TENM4: variants seen among roughly 807,000 people sequenced by gnomAD.
The protein encoded by TENM4 is teneurin transmembrane protein 4.
In TENM4, 82 loss-of-function variants were observed where a neutral mutation model predicts 243.3. The observed-to-expected ratio is 0.34, with a 90% CI of 0.28 to 0.40. TENM4 has a LOEUF of 0.40. Among genes scored for constraint, TENM4 ranks in the 10% least tolerant of loss-of-function variants. The pLI is 1.00. For synonymous variants in TENM4, 1,412 were observed against 1,456.3 expected, an observed-to-expected ratio of 0.97 and a Z score of 0.69; for missense variants, 3,138 against 3,673.3, an observed-to-expected ratio of 0.85 and a Z score of 3.77.
chr11:78,667,465 C>T (rs561010810), intron 32 of TENM4, among the ~76,000 whole-genome samples: 1 of 152,246 alleles, frequency 6.6e-6, no homozygotes, highest in Admixed American at 6.5e-5. Flanking sequence ...TGCTGCCTTC[C>T]CTCTCTGCAA....
intron 2 of TENM4, among the ~76,000 whole-genome samples, chr11:79,283,426 A>C (rs1856193927): frequency 6.6e-6 from 1 of 152,216 alleles, no homozygotes; most frequent in Non-Finnish European, 1.5e-5. Context: ...AAACCAATCA[A>C]TGTAATAGAC....
In TENM4 at chr11:78,805,644, G is replaced by A. The variant is rs558720680; in HGVS notation, c.1979-152C>T. Among the ~76,000 whole-genome samples, 241 of 152,274 alleles carry A rather than the reference G, an allele frequency of 1.6e-3. 4 individuals are homozygous for A. In the South Asian group the frequency reaches 0.022, roughly 14 times the overall value. On this transcript the variant is annotated intron_variant, in intron 14 of 33. Coordinates refer to ENST00000278550, the MANE Select transcript of TENM4 (RefSeq NM_001098816.3). ...CTTAGTAAGGTGAGAGCAGTACTGC[G>A]GCAAATGGCAGACCTGGCTTCCCAA...
intron 9 of TENM4, among the ~76,000 whole-genome samples, chr11:78,872,253 G>A (rs761474823): frequency 6.6e-6 from 1 of 152,130 alleles, no homozygotes; most frequent in African/African-American, 2.4e-5. Flanking sequence ...TGCAGCTTTT[G>A]TCAAATCACT....
chr11:78,872,470 G>T (rs1160166780), intron 9 of TENM4, among the ~76,000 whole-genome samples: 4 of 152,152 alleles, frequency 2.6e-5, no homozygotes, highest in African/African-American at 9.7e-5. Flanking sequence ...CCACTGCCAG[G>T]TCTGGGATGG....
intron 3 of TENM4, among the ~76,000 whole-genome samples, chr11:79,201,960 T>C (rs1050798407): frequency 6.6e-6 from 1 of 152,068 alleles, no homozygotes; most frequent in African/African-American, 2.4e-5. Flanking sequence ...ATTTGAGAGA[T>C]ATGCAGGATA....
At chr11:79,011,967 A>G (rs1858654186) in intron 6 of TENM4, among the ~76,000 whole-genome samples, 1 of 152,034 alleles carries the variant, frequency 6.6e-6, no homozygotes, top group African/African-American at 2.4e-5. Flanking sequence ...CCCCCAGCCT[A>G]TTTCCCACCT....
At chr11:78,952,131 A>C (rs1231979653) in intron 6 of TENM4, among the ~76,000 whole-genome samples, 1 of 152,204 alleles carries the variant, frequency 6.6e-6, no homozygotes, top group Non-Finnish European at 1.5e-5. Context: ...CCTGGCACAC[A>C]GTAGGTCCTT....
intron 9 of TENM4, among the ~76,000 whole-genome samples, chr11:78,864,852 C>G (rs1389659307): frequency 6.6e-6 from 1 of 152,194 alleles, no homozygotes; most frequent in Non-Finnish European, 1.5e-5. Context: ...GTCCTTGCTT[C>G]AGTGAGCTCA....
chr11:79,435,710 A>G (rs1341586886), intron 1 of TENM4, among the ~76,000 whole-genome samples: 1 of 152,222 alleles, frequency 6.6e-6, no homozygotes, highest in Non-Finnish European at 1.5e-5. Flanking sequence ...GACTTGCACC[A>G]CTGGTGCTTA....
At position 79,215,919 on chromosome 11, in the gene TENM4, C is replaced by G. The variant is rs777473584; in HGVS notation, c.-264-10G>C. ...TGGTGCGGGATCTTTTCTGTTGAAG[C>G]AGAGAACACAGATCCAACTGAGTGA... On this transcript the variant is annotated splice_polypyrimidine_tract_variant and intron_variant, in intron 2 of 33. Coordinates refer to ENST00000278550, the MANE Select transcript of TENM4 (RefSeq NM_001098816.3). 38 of 949,914 alleles carry G rather than the reference C, an allele frequency of 4.0e-5. No individual in the cohort carries two copies. The highest frequency in any genetic ancestry group is 4.8e-5 in the Non-Finnish European group (38 of 797,454). 58.8% of individuals were successfully genotyped at this position (949,914 alleles called of 1,614,324 possible). A position where few individuals can be genotyped will look rare whatever the true frequency, so the allele number is the denominator to read the frequency against.
chr11:79,324,530 C>CT (rs1856942647), intron 1 of TENM4, among the ~76,000 whole-genome samples: 1 of 152,078 alleles, frequency 6.6e-6, no homozygotes, highest in South Asian at 2.1e-4. Context: ...TGGCTTGTTT[C>CT]TTTTTTCAAA....
chr11:78,859,200 G>A (rs1346411096), intron 10 of TENM4, among the ~76,000 whole-genome samples: 2 of 151,922 alleles, frequency 1.3e-5, no homozygotes, highest in Non-Finnish European at 2.9e-5. Flanking sequence ...GGCATCCTAG[G>A]GTACAAAAAG....
chr11:79,103,253 C>T (rs1424364343), intron 4 of TENM4, among the ~76,000 whole-genome samples: 1 of 152,176 alleles, frequency 6.6e-6, no homozygotes, highest in Non-Finnish European at 1.5e-5. Flanking sequence ...CCAGGACTCC[C>T]CCCTCCCCTG....
At chr11:79,425,619 T>G (rs527597357) in intron 1 of TENM4, among the ~76,000 whole-genome samples, 1 of 152,306 alleles carries the variant, frequency 6.6e-6, no homozygotes, top group East Asian at 1.9e-4. Context: ...AACAAGACTG[T>G]TGGCAGTGTT....
At chr11:79,050,864 T>C (rs1354923442) in intron 6 of TENM4, among the ~76,000 whole-genome samples, 1 of 152,162 alleles carries the variant, frequency 6.6e-6, no homozygotes, top group Non-Finnish European at 1.5e-5. Context: ...GAAAGTGGCC[T>C]GAAGAAAATC....
intron 6 of TENM4, among the ~76,000 whole-genome samples, chr11:79,004,381 A>T (rs1858416793): frequency 6.6e-6 from 1 of 152,168 alleles, no homozygotes; most frequent in African/African-American, 2.4e-5. Context: ...AATCGACTAC[A>T]CAATCATCGG....
chr11:79,133,646 T>A (rs1360763863), intron 4 of TENM4, among the ~76,000 whole-genome samples: 1 of 151,590 alleles, frequency 6.6e-6, no homozygotes, highest in African/African-American at 2.4e-5. Context: ...GAAAAAAAAA[T>A]AATTCACCTG....
intron 4 of TENM4, among the ~76,000 whole-genome samples, chr11:79,138,333 T>A (rs922659913): frequency 2.6e-5 from 2 of 77,016 alleles, no homozygotes; most frequent in African/African-American, 1.1e-4. Context: ...ATATATATTA[T>A]ATATATAATA....
chr11:79,081,534 G>GTGT (rs142241805), intron 4 of TENM4, among the ~76,000 whole-genome samples: 1 of 148,174 alleles, frequency 6.7e-6, no homozygotes, highest in Non-Finnish European at 1.5e-5. Flanking sequence ...TGTCAGAGGT[G>GTGT]GTGTGTGTGT....
Sources: gnomAD v4.1 joint callset for allele counts (sites outside exome capture counted in the v4.1 genomes callset) on GRCh38, gnomAD v4.1.1 for gene constraint, MANE v1.5 for transcripts, NCBI Gene and HGNC (gene_info 2026-07-23, HGNC 2026-07-21) for gene names.